The following NPIPB2 variants were observed in gnomAD, a reference collection of about 807,000 sequenced individuals.
The protein encoded by NPIPB2 is nuclear pore complex-interacting protein family member B2.
In NPIPB2, 27 loss-of-function variants were observed where a neutral mutation model predicts 30.8. The ratio of observed to expected loss-of-function variants is 0.88; its 90% CI spans 0.65 to 1.21. The LOEUF (loss-of-function observed/expected upper bound fraction) is 1.21, where lower values mean the gene tolerates loss of function less well. Ranked by LOEUF, NPIPB2 falls within the 50% of genes most tolerant of loss-of-function variation. NPIPB2 has a pLI of 0.00. For missense variants in NPIPB2, 440 were observed against 446.2 expected (o/e 0.99, Z 0.13); for synonymous variants, 147 against 162.0 (o/e 0.91, Z 0.70).
intron 1 of NPIPB2, chr16:11,963,968 G>A (rs1283278829): frequency 6.6e-6 from 1 of 151,738 alleles, no homozygotes; most frequent in African/African-American, 2.4e-5. Flanking sequence ...CCAGGAGGTG[G>A]AGGCTGCAGT....
At chr16:11,927,594 A>G (rs750886559) in exon 8 of NPIPB2, 2 of 1,598,110 alleles carry the variant, frequency 1.3e-6, no homozygotes, top group Non-Finnish European at 1.7e-6. Context: ...TGAGTAGCTA[A>G]GGGAGGTGTC....
At chr16:11,951,617 C>T (rs1169235252) in intron 1 of NPIPB2, among the ~76,000 whole-genome samples, 2 of 108,500 alleles carry the variant, frequency 1.8e-5, no homozygotes, top group African/African-American at 7.0e-5. Flanking sequence ...GGACACTGCA[C>T]ATACACATAC....
At chr16:11,960,483 C>T (rs1291695068) in intron 1 of NPIPB2, among the ~76,000 whole-genome samples, 6 of 150,550 alleles carry the variant, frequency 4.0e-5, no homozygotes, top group Non-Finnish European at 7.4e-5. Flanking sequence ...CAGGCTCCCA[C>T]GTAGCTAGGA....
intron 2 of NPIPB2, among the ~76,000 whole-genome samples, chr16:11,937,297 G>C (rs1320964227): frequency 6.6e-6 from 1 of 152,236 alleles, no homozygotes; most frequent in South Asian, 2.1e-4. Context: ...TAGCACAAAG[G>C]TTAAAAAAAC....
upstream of NPIPB2, among the ~76,000 whole-genome samples, chr16:11,943,191 C>T (rs1275018340): frequency 1.3e-5 from 2 of 151,922 alleles, no homozygotes; most frequent in Non-Finnish European, 2.9e-5. Flanking sequence ...TGGTGGTGGG[C>T]GCCTGTAGTC....
At chr16:11,957,165 CT>C (rs34981281) in intron 1 of NPIPB2, among the ~76,000 whole-genome samples, 34,631 of 118,708 alleles carry the variant, frequency 0.29, 4,842 homozygotes, top group East Asian at 0.58. Context: ...CTAACTTTTT[CT>C]TTTTTTTTTT....
intron 1 of NPIPB2, among the ~76,000 whole-genome samples, chr16:11,949,332 G>A (rs1219183678): frequency 6.6e-6 from 1 of 152,124 alleles, no homozygotes; most frequent in African/African-American, 2.4e-5. Context: ...CATTTAAAAA[G>A]CAAGAAACTG....
intron 1 of NPIPB2, among the ~76,000 whole-genome samples, chr16:11,959,217 C>T (rs1028592663): frequency 3.3e-5 from 5 of 152,042 alleles, no homozygotes; most frequent in African/African-American, 1.2e-4. Context: ...AGGGCAAACA[C>T]AGCACTCTTT....
Position 11,967,605 on chromosome 16 carries a change from G to T in NPIPB2, c.-584+8963C>A, listed in dbSNP as rs757322532. The T allele has an allele frequency of 2.5e-6, 4 of 1,613,864 alleles. No homozygotes were observed. In the African/African-American group the frequency reaches 5.3e-5, roughly 22 times the overall value. ...CCTGGGCATGGCTAACATTGACCTG[G>T]AAAAGAGCAGGACTGGTGATGAAAT... On this transcript the variant is annotated intron_variant, in intron 1 of 5. Transcript: ENST00000538896.
chr16:11,956,829 C>G (rs538181668), intron 1 of NPIPB2, among the ~76,000 whole-genome samples: 1 of 152,342 alleles, frequency 6.6e-6, no homozygotes, highest in Admixed American at 6.5e-5. Context: ...ACTCTCCATG[C>G]TCAGTTGGCT....
chr16:11,959,242 C>T (rs1176275031), intron 1 of NPIPB2, among the ~76,000 whole-genome samples: 1 of 152,042 alleles, frequency 6.6e-6, no homozygotes, highest in Non-Finnish European at 1.5e-5. Context: ...GATGTGATTA[C>T]ATCAGCACCT....
At chr16:11,938,314 C>A (rs2054894542) in intron 1 of NPIPB2, among the ~76,000 whole-genome samples, 1 of 151,178 alleles carries the variant, frequency 6.6e-6, no homozygotes, top group South Asian at 2.1e-4. Context: ...CCGTGCCCGG[C>A]CATTTTTTTG....
intron 1 of NPIPB2, among the ~76,000 whole-genome samples, chr16:11,951,313 A>T (rs1368783565): frequency 6.6e-6 from 1 of 151,044 alleles, no homozygotes; most frequent in East Asian, 1.9e-4. Flanking sequence ...TAAAAAAAAA[A>T]ATTAGCCGGG....
At chr16:11,966,425 A>C (rs913456811) in intron 1 of NPIPB2, 2 of 1,396,414 alleles carry the variant, frequency 1.4e-6, no homozygotes, top group Non-Finnish European at 2.0e-6. Flanking sequence ...TTTAGCGTTG[A>C]CTATTTCACT....
At chr16:11,972,166 C>T (rs2055239934) in intron 1 of NPIPB2, among the ~76,000 whole-genome samples, 1 of 151,802 alleles carries the variant, frequency 6.6e-6, no homozygotes, top group Non-Finnish European at 1.5e-5. Flanking sequence ...AAAAACAAAC[C>T]AACAAAAAAA....
At chr16:11,971,482 A>G (rs904967740) in intron 1 of NPIPB2, among the ~76,000 whole-genome samples, 2 of 151,394 alleles carry the variant, frequency 1.3e-5, no homozygotes, top group Non-Finnish European at 2.9e-5. Flanking sequence ...TCATAGGTAG[A>G]TTCAGAGATT....
Position 11,955,435 on chromosome 16 carries a change from C to T in NPIPB2, c.-583-13321G>A, listed in dbSNP as rs148870302. ...TAAGAAATTTGCCATTCTGGCCAGG[C>T]GTGGTGGCTCACGCCTGTAATCCCA... On this transcript the variant is annotated intron_variant, in intron 1 of 5. Coordinates refer to the NPIPB2 transcript ENST00000538896. Among the ~76,000 whole-genome samples the T allele has an allele frequency of 2.1e-3, 309 of 149,458 alleles. 1 individual carries two copies. Among genetic ancestry groups the T allele is most frequent in the African/African-American group, 4.2e-3 (171 of 40,492 alleles).
At chr16:11,954,348 C>T (rs1258894393) in intron 1 of NPIPB2, among the ~76,000 whole-genome samples, 1 of 151,810 alleles carries the variant, frequency 6.6e-6, no homozygotes, top group Non-Finnish European at 1.5e-5. Flanking sequence ...GTCGTGGTTG[C>T]AAGCCTATAA....
At chr16:11,958,319 C>G (rs2055128058) in intron 1 of NPIPB2, among the ~76,000 whole-genome samples, 1 of 151,622 alleles carries the variant, frequency 6.6e-6, no homozygotes, top group Non-Finnish European at 1.5e-5. Flanking sequence ...CCCAGCTACT[C>G]AGGAAGGCTG....
Sources: gnomAD v4.1 joint callset for allele counts (sites outside exome capture counted in the v4.1 genomes callset) on GRCh38, gnomAD v4.1.1 for gene constraint, MANE v1.5 for transcripts, NCBI Gene and HGNC (gene_info 2026-07-23, HGNC 2026-07-21) for gene names.